Variants in OTUD7A observed in about 807,000 individuals in gnomAD.
OTUD7A encodes OTU deubiquitinase 7A, also known as OTU domain-containing protein 7A.
A neutral mutation model predicts 65.7 loss-of-function variants in OTUD7A; 12 were observed. The observed-to-expected ratio is 0.18, with a 90% confidence interval of 0.12 to 0.30. The LOEUF (loss-of-function observed/expected upper bound fraction) is 0.30, where lower values mean the gene tolerates loss of function less well. Among genes scored for constraint, OTUD7A ranks in the 10% least tolerant of loss-of-function variants. The pLI is 1.00. For missense variants in OTUD7A, 1,148 were observed against 1,304.8 expected, an observed-to-expected ratio of 0.88 and a Z score of 1.85; for synonymous variants, 641 against 586.3, an observed-to-expected ratio of 1.09 and a Z score of -1.35.
intron 1 of OTUD7A, among the ~76,000 whole-genome samples, chr15:31,662,339 C>T (rs1476837642): frequency 6.6e-6 from 1 of 152,202 alleles, no homozygotes; most frequent in African/African-American, 2.4e-5. Flanking sequence ...CATCATTTTA[C>T]TTGGACAAGT....
In OTUD7A at chr15:31,478,569, G is replaced by A. The variant is rs534073676; in HGVS notation, c.*4725C>T. ...GGCTTCAGTGCTACTCTGCAACTAC[G>A]TGTGTCTTCGGCTCAGCCTGGTGGG... On this transcript the variant is annotated 3_prime_UTR_variant, in exon 13 of 13. Transcript: ENST00000307050. 26 of 152,334 alleles carry A rather than the reference G, an allele frequency of 1.7e-4. No homozygotes were observed. In the South Asian group the frequency reaches 3.9e-3, roughly 23 times the overall value. The allele number at this position is 152,334 out of a possible 1,614,324, so 9.4% of individuals were successfully genotyped here. A position where few individuals can be genotyped will look rare whatever the true frequency, so the allele number is the denominator to read the frequency against.
intron 1 of OTUD7A, among the ~76,000 whole-genome samples, chr15:31,827,138 T>C (rs1419579901): frequency 5.3e-5 from 8 of 152,214 alleles, no homozygotes; most frequent in Admixed American, 4.6e-4. Context: ...CTGGTACCAA[T>C]TTACTGTATT....
intron 1 of OTUD7A, among the ~76,000 whole-genome samples, chr15:31,816,897 G>A (rs961292516): frequency 6.6e-6 from 1 of 152,176 alleles, no homozygotes; most frequent in African/African-American, 2.4e-5. Flanking sequence ...ACTTGAGAGG[G>A]GATATGAACC....
intron 1 of OTUD7A, among the ~76,000 whole-genome samples, chr15:31,776,507 T>C (rs967821761): frequency 8.5e-5 from 13 of 152,182 alleles, no homozygotes; most frequent in African/African-American, 3.1e-4. Context: ...TGGTAAGAAG[T>C]GGCAGCTGCC....
At chr15:31,767,810 T>A (rs566490771) in intron 1 of OTUD7A, 1 of 798,394 alleles carries the variant, frequency 1.3e-6, no homozygotes, top group African/African-American at 1.7e-5. Context: ...AATACTATCT[T>A]TATCTTTGGA....
chr15:31,832,146 G>A (rs1896949131), intron 1 of OTUD7A, among the ~76,000 whole-genome samples: 3 of 152,326 alleles, frequency 2.0e-5, no homozygotes, highest in African/African-American at 7.2e-5. Flanking sequence ...GGCCAGTGTT[G>A]CAGGGAGCCC....
chr15:31,576,029 T>C (rs1226031034), intron 3 of OTUD7A, among the ~76,000 whole-genome samples: 1 of 151,906 alleles, frequency 6.6e-6, no homozygotes, highest in African/African-American at 2.4e-5. Context: ...GAAAGAAAAA[T>C]AAATCTCAAG....
At chr15:31,784,291 A>G (rs1466599134) in intron 1 of OTUD7A, among the ~76,000 whole-genome samples, 2 of 151,844 alleles carry the variant, frequency 1.3e-5, no homozygotes, top group Admixed American at 1.3e-4. Flanking sequence ...CAACTGAAAT[A>G]CTCCTCCCCT....
At chr15:31,765,928 T>A (rs1334880091) in intron 1 of OTUD7A, 4 of 1,312,464 alleles carry the variant, frequency 3.0e-6, no homozygotes, top group Non-Finnish European at 4.4e-6. Flanking sequence ...AAAGTCCTGT[T>A]TTTAACAATA....
At chr15:31,670,271 G>A (rs1210367060) in intron 1 of OTUD7A, among the ~76,000 whole-genome samples, 3 of 152,026 alleles carry the variant, frequency 2.0e-5, no homozygotes, top group Non-Finnish European at 4.4e-5. Flanking sequence ...ATAACAGAAT[G>A]ATTTGTATTC....
At chr15:31,802,135 G>GTA (rs1434073127) in intron 1 of OTUD7A, among the ~76,000 whole-genome samples, 54 of 123,980 alleles carry the variant, frequency 4.4e-4, no homozygotes, top group African/African-American at 1.6e-3. Context: ...GTGTGTGTGT[G>GTA]TGTGTGTATA....
chr15:31,670,910 G>A (rs1314148270), intron 1 of OTUD7A, among the ~76,000 whole-genome samples: 1 of 151,960 alleles, frequency 6.6e-6, no homozygotes, highest in Non-Finnish European at 1.5e-5. Flanking sequence ...CAGGAGAATG[G>A]CATGAACCCG....
At chr15:31,589,186 G>A (rs1026355088) in intron 3 of OTUD7A, among the ~76,000 whole-genome samples, 3 of 152,114 alleles carry the variant, frequency 2.0e-5, no homozygotes, top group African/African-American at 4.8e-5. Flanking sequence ...CTACACACAC[G>A]TGTGTATATG....
At chr15:31,572,791 C>T (rs1307028261) in intron 3 of OTUD7A, among the ~76,000 whole-genome samples, 1 of 152,020 alleles carries the variant, frequency 6.6e-6, no homozygotes. Context: ...AGAAAACAGA[C>T]TGCAGATAGC....
chr15:31,665,856 T>G (rs1167164050), intron 1 of OTUD7A, among the ~76,000 whole-genome samples: 1 of 152,232 alleles, frequency 6.6e-6, no homozygotes, highest in Non-Finnish European at 1.5e-5. Context: ...CTGAGAGTTT[T>G]AATCATAAAG....
intron 3 of OTUD7A, among the ~76,000 whole-genome samples, chr15:31,633,304 A>C (rs574481993): frequency 9.9e-5 from 15 of 152,250 alleles, no homozygotes; most frequent in Admixed American, 5.2e-4. Flanking sequence ...TTTGATCTCT[A>C]TCTTGGAGGG....
Position 31,808,136 on chromosome 15 carries a change from C to CACAA in OTUD7A, c.-100+62370_-100+62371insTTGT, listed in dbSNP as rs772574742. Among the ~76,000 whole-genome samples the CACAA allele has an allele frequency of 1.1e-4, 13 of 119,514 alleles. No homozygotes were observed. The South Asian group carries it at 1.7e-3, about 16-fold the overall frequency. The allele number at this position is 119,514 out of a possible 152,430, so 78.4% of individuals were successfully genotyped here. On this transcript the variant is annotated intron_variant, in intron 1 of 12. Coordinates refer to ENST00000307050, the MANE Select transcript of OTUD7A (RefSeq NM_001382637.1). ...ACACACACACACACACACACACACACAAACAAATCCTCACCAGGTTTTTCC... is the reference window on the plus strand; with the variant it reads ...ACACACACACACACACACACACACACACAAAAACAAATCCTCACCAGGTTTTTCC...
intron 1 of OTUD7A, among the ~76,000 whole-genome samples, chr15:31,684,396 G>A (rs1047294255): frequency 1.4e-4 from 21 of 152,162 alleles, no homozygotes; most frequent in Middle Eastern, 3.4e-3. Flanking sequence ...GCTGTGAAAC[G>A]ACAACTCCCA....
chr15:31,541,660 A>G lies in OTUD7A; in HGVS notation c.551-10852T>C, dbSNP rs895214536. 7.4e-4 allele frequency among the ~76,000 whole-genome samples: 112 copies of G among 152,216 alleles called. 2 individuals carry two copies. The highest frequency in any genetic ancestry group is 5.9e-5 in the Non-Finnish European group (4 of 68,032). ...TGTAGTAAATCTCCAACAACCGGAA[A>G]TAAATATGGGATGGAAATTAGTATG... On this transcript the variant is annotated intron_variant, in intron 5 of 12. Transcript: ENST00000307050.
Sources: allele counts gnomAD v4.1 joint callset (sites outside exome capture counted in the v4.1 genomes callset), GRCh38; gene constraint gnomAD v4.1.1; transcripts MANE v1.5; gene names NCBI Gene and HGNC (gene_info 2026-07-23, HGNC 2026-07-21).